The following CCDC192 variants were observed in gnomAD, a reference collection of about 807,000 sequenced individuals.
The protein encoded by CCDC192 is coiled-coil domain-containing protein 192.
intron 6 of CCDC192, among the ~76,000 whole-genome samples, chr5:127,881,314 G>T (rs1421002156): frequency 1.3e-5 from 2 of 152,188 alleles, no homozygotes; most frequent in Non-Finnish European, 2.9e-5. Flanking sequence ...TTGTTACCTA[G>T]ATTAATATTC....
intron 3 of CCDC192, among the ~76,000 whole-genome samples, chr5:127,757,540 C>A (rs1754667601): frequency 2.0e-5 from 3 of 151,888 alleles, no homozygotes; most frequent in Admixed American, 2.0e-4. Context: ...AAGAACAGTC[C>A]TCTGTCCCCT....
At chr5:127,932,915 G>T (rs1580841498) in intron 6 of CCDC192, among the ~76,000 whole-genome samples, 1 of 152,188 alleles carries the variant, frequency 6.6e-6, no homozygotes, top group African/African-American at 2.4e-5. Flanking sequence ...GGTTGAAATT[G>T]TAGGTAAGAT....
chr5:127,713,249 T>A (rs248736), intron 2 of CCDC192, among the ~76,000 whole-genome samples: 53,939 of 151,056 alleles, frequency 0.36, 9,755 homozygotes, highest in Middle Eastern at 0.41. Flanking sequence ...AAAAAAAAAA[T>A]TTAGTCGTTC....
At chr5:127,740,860 T>C (rs955514710) in intron 2 of CCDC192, among the ~76,000 whole-genome samples, 8 of 152,090 alleles carry the variant, frequency 5.3e-5, no homozygotes, top group African/African-American at 1.7e-4. Flanking sequence ...TAAAATTCAG[T>C]TGGAGAATGA....
At chr5:127,815,115 G>T (rs1033527350) in intron 5 of CCDC192, among the ~76,000 whole-genome samples, 2 of 152,084 alleles carry the variant, frequency 1.3e-5, no homozygotes, top group South Asian at 4.1e-4. Flanking sequence ...CTCTAGGCTG[G>T]TGTTTCTCTA....
At chr5:127,921,157 G>GAGAAA (rs144541021) in intron 6 of CCDC192, among the ~76,000 whole-genome samples, 114 of 147,338 alleles carry the variant, frequency 7.7e-4, no homozygotes, top group East Asian at 1.4e-3. Flanking sequence ...GAAAGGAAAG[G>GAGAAA]AGAAAAGAAA....
intron 3 of CCDC192, among the ~76,000 whole-genome samples, chr5:127,761,903 A>T (rs1034706260): frequency 6.6e-6 from 1 of 152,172 alleles, no homozygotes; most frequent in African/African-American, 2.4e-5. Flanking sequence ...AACTCCCATT[A>T]TTTCTCTCTT....
At chr5:127,705,798 T>G (rs1017793435) in intron 1 of CCDC192, among the ~76,000 whole-genome samples, 2 of 152,116 alleles carry the variant, frequency 1.3e-5, no homozygotes, top group African/African-American at 4.8e-5. Flanking sequence ...GCTGTACAGT[T>G]GAGGGAAAAC....
At chr5:127,759,838 T>C (rs1024325416) in intron 3 of CCDC192, among the ~76,000 whole-genome samples, 2 of 152,228 alleles carry the variant, frequency 1.3e-5, no homozygotes, top group African/African-American at 4.8e-5. Flanking sequence ...TTTTCTCTTC[T>C]ACTCTTTCTC....
rs1006506581 is a variant in CCDC192 at position 127,908,087 on chromosome 5, C to T, written c.535+32426C>T. Among the ~76,000 whole-genome samples the T allele has an allele frequency of 4.6e-5, 7 of 152,178 alleles. No individual in the cohort carries two copies. In the South Asian group the frequency reaches 6.2e-4, roughly 14 times the overall value. The stretch of plus-strand genomic sequence containing the variant: ...TTAAAGATTGGCTTAATGCCATTAT[C>T]GTGCTCACCTGTAGAGGACCCATCT... On this transcript the variant is annotated intron_variant, in intron 6 of 6. Transcript: ENST00000514853.
intron 5 of CCDC192, among the ~76,000 whole-genome samples, chr5:127,865,165 A>G (rs1751554923): frequency 6.6e-6 from 1 of 152,064 alleles, no homozygotes; most frequent in East Asian, 1.9e-4. Context: ...AAAATAAATA[A>G]ATAACTATAT....
intron 3 of CCDC192, among the ~76,000 whole-genome samples, chr5:127,770,294 A>G (rs558533892): frequency 6.6e-6 from 1 of 152,330 alleles, no homozygotes; most frequent in South Asian, 2.1e-4. Flanking sequence ...AGTTTCTATA[A>G]TATAACTGCA....
intron 6 of CCDC192, among the ~76,000 whole-genome samples, chr5:127,905,734 T>C (rs1023715141): frequency 2.0e-5 from 3 of 152,298 alleles, no homozygotes; most frequent in Middle Eastern, 3.4e-3. Flanking sequence ...GCCAAAAGCA[T>C]AGTCTATTTT....
At chr5:127,778,025 GTGT>G (rs1323950737) in intron 3 of CCDC192, among the ~76,000 whole-genome samples, 2 of 152,034 alleles carry the variant, frequency 1.3e-5, no homozygotes, top group African/African-American at 2.4e-5. Context: ...GTGTGTGTGT[GTGT>G]TGTTTGGAAT....
At chr5:127,864,230 T>G (rs1393322023) in intron 5 of CCDC192, among the ~76,000 whole-genome samples, 1 of 152,206 alleles carries the variant, frequency 6.6e-6, no homozygotes, top group Admixed American at 6.5e-5. Context: ...ATCCTCAAAC[T>G]CCTCTTTATT....
intron 6 of CCDC192, among the ~76,000 whole-genome samples, chr5:127,903,378 G>A (rs1471662864): frequency 6.6e-6 from 1 of 152,032 alleles, no homozygotes; most frequent in Non-Finnish European, 1.5e-5. Flanking sequence ...GAGTAGCTGG[G>A]ATTACAGGCA....
At chr5:127,737,163 A>G (rs1483854902) in intron 2 of CCDC192, among the ~76,000 whole-genome samples, 3 of 151,778 alleles carry the variant, frequency 2.0e-5, no homozygotes, top group Admixed American at 6.5e-5. Context: ...GAACATCTTC[A>G]TTTCTGCCTT....
rs914717071 is a variant in CCDC192, at chr5:127,907,980, G to C, written c.535+32319G>C. Among the ~76,000 whole-genome samples, 5 of 152,208 alleles carry C rather than the reference G, an allele frequency of 3.3e-5. No individual in the cohort carries two copies. The East Asian group carries it at 9.6e-4, about 29-fold the overall frequency. ...GTTGTAATAAACAGGCAGTGTATTT[G>C]TGAAGGAAGGAAGATTATTGCCTAC... is the stretch of plus-strand genomic sequence containing the variant. On this transcript the variant is annotated intron_variant, in intron 6 of 6. Transcript: ENST00000514853.
chr5:127,755,007 C>A (rs2673772), intron 3 of CCDC192, among the ~76,000 whole-genome samples: 42,136 of 151,920 alleles, frequency 0.28, 6,536 homozygotes, highest in South Asian at 0.43. Flanking sequence ...GGAACATTTC[C>A]CAATAAGATT....
Sources: allele counts gnomAD v4.1 joint callset (sites outside exome capture counted in the v4.1 genomes callset), GRCh38; gene constraint gnomAD v4.1.1; transcripts MANE v1.5; gene names NCBI Gene and HGNC (gene_info 2026-07-23, HGNC 2026-07-21).